The following RPS11 variants were observed in gnomAD, a reference collection of about 807,000 sequenced individuals.
RPS11 encodes ribosomal protein S11, also known as small ribosomal subunit protein uS17.
For missense variants in RPS11, 127 were observed against 211.4 expected, an observed-to-expected ratio of 0.60 and a Z score of 2.48; for synonymous variants, 107 against 78.0, an observed-to-expected ratio of 1.37 and a Z score of -1.96.
In RPS11 at chr19:49,497,537, C is replaced by T. The variant is rs2079912920; in HGVS notation, c.165C>T (p.Tyr55=). ...KTPKEAIEGT[Y]IDKKCPFTGN... Reference sequence around the variant, plus strand: ...CCTTTCAGGCTATTGAGGGCACCTACATTGACAAGAAATGCCCCTTCACTG... The same window carrying T: ...CCTTTCAGGCTATTGAGGGCACCTATATTGACAAGAAATGCCCCTTCACTG... The change falls in exon 3 of 5, where the codon TAC becomes TAT. Residue 55 remains tyrosine (Y), a synonymous_variant. Coordinates refer to ENST00000270625, the MANE Select transcript of RPS11 (RefSeq NM_001015.5). 3.1e-6 allele frequency: 5 copies of T among 1,613,948 alleles called. No homozygotes were observed. Among genetic ancestry groups the T allele is most frequent in the Non-Finnish European group, 4.2e-6 (5 of 1,179,936 alleles).
At chr19:49,496,622 G>A (rs1267566461) in intron 1 of RPS11, 151 bp downstream of exon 1, 3 of 828,888 alleles carry the variant, frequency 3.6e-6, no homozygotes, top group Middle Eastern at 2.8e-4. Context: ...GAGGGCGCTT[G>A]CTTTTGTTTC....
chr19:49,496,616 G>A (rs1304498811), intron 1 of RPS11, 145 bp downstream of exon 1: 3 of 877,418 alleles, frequency 3.4e-6, no homozygotes, highest in South Asian at 3.4e-5. Flanking sequence ...GGAGTGGAGG[G>A]CGCTTGCTTT....
At chr19:49,497,453 ACGCCCCTGGCTCTTTTAAGGAAC>A (rs2079912301) in intron 2 of RPS11, 44 bp from the exon 3 acceptor site, 6 of 1,595,818 alleles carry the variant, frequency 3.8e-6, no homozygotes, top group Non-Finnish European at 5.2e-6. Context: ...CCCTGAGGCC[ACGCCCCTGGCTCTTTTAAGGAAC>A]CGCCCGCCCA....
At chr19:49,499,356 C>T (rs902198531) in intron 4 of RPS11, among the ~76,000 whole-genome samples, 156 bp from the exon 5 acceptor site, 5 of 152,042 alleles carry the variant, frequency 3.3e-5, no homozygotes, top group Admixed American at 6.5e-5. Flanking sequence ...AAAACTTGTA[C>T]GAAAGGAGGG....
rs1453782464 is a variant in RPS11 at position 49,497,923 on chromosome 19, T to C, written c.230T>C (p.Val77Ala). The C allele has an allele frequency of 2.5e-6, 4 of 1,614,130 alleles. No homozygotes were observed. The highest frequency in any genetic ancestry group is 3.4e-6 in the Non-Finnish European group (4 of 1,180,016). ...GATCGGCCCCCGCTCCTAGGCGTGG[T>C]GACCAAGATGAAGATGCAGAGGACC... Reference protein sequence around the residue: ...SIRGRILSGVVTKMKMQRTIV... With the variant: ...SIRGRILSGVATKMKMQRTIV... Residue 77 changes from valine to alanine, a missense_variant, in exon 4 of 5, where the codon GTG (valine) becomes GCG (alanine). Physicochemically the swap from Val to Ala is moderately conservative, Grantham distance 64. Coordinates refer to ENST00000270625, the MANE Select transcript of RPS11 (RefSeq NM_001015.5).
At chr19:49,499,088 G>T (rs748720626) in intron 4 of RPS11, among the ~76,000 whole-genome samples, 1 of 152,166 alleles carries the variant, frequency 6.6e-6, no homozygotes, top group Non-Finnish European at 1.5e-5. Flanking sequence ...TGGCCCTCTG[G>T]GCGGGGAGGA....
Position 49,497,574 on chromosome 19 carries a change from A to G in RPS11, c.202A>G (p.Ile68Val), listed in dbSNP as rs747097732. Residue 68 changes from isoleucine (I) to valine (V), a missense_variant, in exon 3 of 5, where the codon ATT becomes GTT. Transcript: ENST00000270625. ...KKCPFTGNVS[I>V]RGRILSGVVT... ...ATGCCCCTTCACTGGTAATGTGTCC[A>G]TTCGAGGGCGGATCCTCTCTGGTAA... 6.2e-7 allele frequency: 1 copy of G among 1,613,994 alleles called. No homozygotes were observed. The highest frequency in any genetic ancestry group is 8.5e-7 in the Non-Finnish European group (1 of 1,179,956).
chr19:49,497,895 T>G (rs756212524), intron 3 of RPS11, 22 bp from the exon 4 acceptor site: 7 of 1,613,958 alleles, frequency 4.3e-6, no homozygotes, highest in Non-Finnish European at 5.9e-6. Context: ...GGACCTGACC[T>G]ATGATCGGCC....
chr19:49,496,527 G>GCGCGC, intron 1 of RPS11, 56 bp downstream of exon 1: 1 of 1,544,256 alleles, frequency 6.5e-7, no homozygotes. Flanking sequence ...CTTCAGGGGC[G>GCGCGC]CGTCCGGGAG....
intron 4 of RPS11, chr19:49,498,392 G>A (rs2079918162): frequency 3.0e-5 from 9 of 303,598 alleles, no homozygotes; most frequent in South Asian, 2.6e-4. Flanking sequence ...TTATAATTCT[G>A]TGTGAAACAA....
chr19:49,496,666 G>A (rs2079907932), intron 1 of RPS11, among the ~76,000 whole-genome samples, 195 bp downstream of exon 1: 1 of 152,158 alleles, frequency 6.6e-6, no homozygotes, highest in Non-Finnish European at 1.5e-5. Context: ...GGGGGCTCCT[G>A]GCGTTAATGG....
At chr19:49,498,186 A>G (rs2079916960) in intron 4 of RPS11, 140 bp downstream of exon 4, 5 of 890,206 alleles carry the variant, frequency 5.6e-6, no homozygotes, top group South Asian at 4.2e-5. Flanking sequence ...CAGGATTTGT[A>G]TATCATATGT....
intron 4 of RPS11, among the ~76,000 whole-genome samples, chr19:49,499,080 G>A (rs1198282204): frequency 6.6e-6 from 1 of 152,184 alleles, no homozygotes; most frequent in African/African-American, 2.4e-5. Context: ...GATATTGGTG[G>A]CCCTCTGGGC....
At chr19:49,496,502 G>C (rs914429213) in intron 1 of RPS11, 31 bp downstream of exon 1, 5 of 1,603,870 alleles carry the variant, frequency 3.1e-6, no homozygotes, top group Non-Finnish European at 4.3e-6. Flanking sequence ...GCCAGGGTGC[G>C]GGGTCCGCCT....
Position 49,497,290 on chromosome 19 carries a change from A to G in RPS11, c.112A>G (p.Lys38Glu), listed in dbSNP as rs2079911272. The change falls in exon 2 of 5, where the codon AAG becomes GAG. Residue 38 changes from lysine to glutamate, a missense_variant. Physicochemically the swap from Lys to Glu is moderately conservative, Grantham distance 56. Transcript: ENST00000270625. ...CAAGGAGAAGCTCCCGCGGTACTAC[A>G]AGAACATCGGTCTGGGCTTCAAGAC... The part of the protein sequence containing the change: ...TGKEKLPRYY[K>E]NIGLGFKTPK... The G allele has an allele frequency of 6.2e-7, 1 of 1,614,108 alleles. No individual in the cohort carries two copies.
chr19:49,497,875 C>T, intron 3 of RPS11, 42 bp from the exon 4 acceptor site: 1 of 1,613,908 alleles, frequency 6.2e-7, no homozygotes, highest in Non-Finnish European at 8.5e-7. Flanking sequence ...CTATGGCCCT[C>T]TTTCCCATGG....
rs757234643 is a variant in RPS11 at position 49,497,176 on chromosome 19, TCTC to T, written c.16-14_16-12del. The T allele has an allele frequency of 1.2e-6, 2 of 1,610,980 alleles. No homozygotes were observed. Among genetic ancestry groups the T allele is most frequent in the African/African-American group, 2.7e-5 (2 of 73,402 alleles). On this transcript the variant is annotated splice_polypyrimidine_tract_variant and intron_variant, in intron 1 of 4. Transcript: ENST00000270625. ...TTCAAACTTAGCAGCTCATCAGTTT[TCTC>T]CTCATAATCTGTAGACTGAGCGTGC...
intron 2 of RPS11, 93 bp from the exon 3 acceptor site, chr19:49,497,427 G>A (rs1199195946): frequency 3.8e-6 from 6 of 1,596,756 alleles, no homozygotes; most frequent in Admixed American, 1.7e-5. Context: ...GGGGCTGCTG[G>A]GAATTGTAGT....
At chr19:49,497,810 G>A (rs1390618050) in intron 3 of RPS11, 107 bp from the exon 4 acceptor site, 2 of 1,506,562 alleles carry the variant, frequency 1.3e-6, no homozygotes, top group Non-Finnish European at 1.8e-6. Flanking sequence ...CCGGAAATGG[G>A]GCTTTTTGGG....
Sources: gnomAD v4.1 joint callset for allele counts (sites outside exome capture counted in the v4.1 genomes callset) on GRCh38, gnomAD v4.1.1 for gene constraint, MANE v1.5 for transcripts, NCBI Gene and HGNC (gene_info 2026-07-23, HGNC 2026-07-21) for gene names.